L3MBTL3: variants seen among roughly 807,000 people sequenced by gnomAD.
L3MBTL3 encodes lethal(3)malignant brain tumor-like protein 3.
Under a neutral mutation model 102.3 loss-of-function variants are expected in L3MBTL3, and 27 were observed. The observed-to-expected ratio is 0.26, with a 90% CI of 0.19 to 0.36. The LOEUF is 0.36. Ranked by LOEUF, L3MBTL3 falls within the 10% of genes least tolerant of loss-of-function variation. The probability of loss-of-function intolerance (pLI) is 1.00; values close to 1 mark genes in which losing one functional copy is unlikely to be tolerated. For missense variants in L3MBTL3, 798 were observed against 955.3 expected (o/e 0.84, Z 2.17); for synonymous variants, 340 against 320.9 (o/e 1.06, Z -0.64).
chr6:130,031,345 T>C (rs1779711265), intron 2 of L3MBTL3, among the ~76,000 whole-genome samples: 1 of 152,222 alleles, frequency 6.6e-6, no homozygotes. Flanking sequence ...TGTTATTTTC[T>C]GAATTTATTT....
chr6:130,084,144 A>G (rs112728083), intron 15 of L3MBTL3, among the ~76,000 whole-genome samples: 6,620 of 152,206 alleles, frequency 0.043, 442 homozygotes, highest in African/African-American at 0.15. Context: ...AGCATGTTTA[A>G]TTACCAAAAT....
chr6:130,055,221 G>A lies in L3MBTL3; in HGVS notation c.633G>A (p.Arg211=), dbSNP rs1377531629. Residue 211 remains arginine (R), a synonymous_variant, in exon 8 of 23, where the codon AGG becomes AGA. Transcript: ENST00000361794. ...RILRGSQRAR[R]KRRGDSAVLK... ...TGAGGGGTTCGCAGAGAGCACGGAG[G>A]AAAAGACGAGGGGATTCGGCTGTAC... is the stretch of plus-strand genomic sequence containing the variant. 6.2e-7 allele frequency: 1 copy of A among 1,613,676 alleles called. No homozygotes were observed. Among genetic ancestry groups the A allele is most frequent in the African/African-American group, 1.3e-5 (1 of 74,906 alleles).
chr6:130,084,178 A>C (rs17058340), intron 15 of L3MBTL3, among the ~76,000 whole-genome samples: 9,578 of 152,180 alleles, frequency 0.063, 979 homozygotes, highest in African/African-American at 0.22. Context: ...CTTTTATTAC[A>C]GTATCTTTCT....
At chr6:130,094,409 C>G in intron 18 of L3MBTL3, 42 bp downstream of exon 18, 1 of 1,301,606 alleles carries the variant, frequency 7.7e-7, no homozygotes, top group Non-Finnish European at 1.1e-6. Flanking sequence ...TATAGGTGTT[C>G]CATATACATG....
intron 2 of L3MBTL3, among the ~76,000 whole-genome samples, chr6:130,030,768 C>T (rs1394058315): frequency 6.9e-6 from 1 of 144,326 alleles, no homozygotes; most frequent in Non-Finnish European, 1.5e-5. Flanking sequence ...GACTAAAATA[C>T]AATGTGTTGG....
intron 1 of L3MBTL3, among the ~76,000 whole-genome samples, chr6:130,019,634 C>T (rs1333040066): frequency 1.3e-5 from 2 of 150,454 alleles, no homozygotes; most frequent in African/African-American, 4.9e-5. Flanking sequence ...CTCACACGCA[C>T]GCACACACAC....
At chr6:130,036,234 AAAT>A (rs1780054539) in intron 2 of L3MBTL3, among the ~76,000 whole-genome samples, 1 of 152,186 alleles carries the variant, frequency 6.6e-6, no homozygotes, top group Non-Finnish European at 1.5e-5. Flanking sequence ...GCTTTTCTTA[AAAT>A]AATATTGGTT....
At chr6:130,048,423 C>G (rs890445981) in intron 3 of L3MBTL3, among the ~76,000 whole-genome samples, 4 of 152,174 alleles carry the variant, frequency 2.6e-5, no homozygotes, top group Admixed American at 6.5e-5. Context: ...CTCACTGTTT[C>G]AGAGAGAACA....
At chr6:130,098,606 C>G (rs1048847156) in intron 18 of L3MBTL3, among the ~76,000 whole-genome samples, 2 of 152,136 alleles carry the variant, frequency 1.3e-5, no homozygotes, top group Non-Finnish European at 1.5e-5. Flanking sequence ...TTCCTATGTT[C>G]CAGGCACTGC....
intron 2 of L3MBTL3, among the ~76,000 whole-genome samples, chr6:130,025,113 G>A (rs1201804572): frequency 8.9e-6 from 1 of 112,558 alleles, no homozygotes; most frequent in Non-Finnish European, 2.0e-5. Context: ...TAACTTTCTG[G>A]TGAAGATCTA....
At chr6:130,080,028 G>A (rs919396705) in intron 14 of L3MBTL3, among the ~76,000 whole-genome samples, 6 of 152,182 alleles carry the variant, frequency 3.9e-5, no homozygotes, top group Non-Finnish European at 7.3e-5. Flanking sequence ...GCTGAGGCGG[G>A]AGGATCACTT....
chr6:130,028,469 A>G (rs1779498845), intron 2 of L3MBTL3, among the ~76,000 whole-genome samples: 1 of 152,216 alleles, frequency 6.6e-6, no homozygotes, highest in Non-Finnish European at 1.5e-5. Flanking sequence ...CAGAAGACCC[A>G]ACTTCTCAAG....
At chr6:130,117,745 G>A (rs1785813962) in intron 19 of L3MBTL3, among the ~76,000 whole-genome samples, 1 of 152,034 alleles carries the variant, frequency 6.6e-6, no homozygotes, top group Admixed American at 6.6e-5. Context: ...TGTCACCGAG[G>A]CTGAAGTGCA....
chr6:130,083,310 G>C (rs1409728648), intron 14 of L3MBTL3, among the ~76,000 whole-genome samples: 3 of 151,932 alleles, frequency 2.0e-5, no homozygotes, highest in Non-Finnish European at 4.4e-5. Context: ...GCATATGTCA[G>C]ATTTTTCTAG....
intron 19 of L3MBTL3, among the ~76,000 whole-genome samples, chr6:130,104,801 A>T (rs1203520215): frequency 2.8e-5 from 4 of 145,224 alleles, no homozygotes; most frequent in African/African-American, 7.5e-5. Flanking sequence ...TCTCTGACTC[A>T]TTTTTTTTTT....
rs759228375 is a variant in L3MBTL3 at position 130,094,370 on chromosome 6, ATGTGGTAGC to A, written c.1736+7_1736+15del. On this transcript the variant is annotated splice_donor_5th_base_variant and intron_variant, in intron 18 of 22. Transcript: ENST00000361794. ...GCGAGACATCTGGGCCCTCACAGGTATGTGGTAGCTGTCACTCACTTGGTCAGATATAGG... is the reference window on the plus strand; with the variant it reads ...GCGAGACATCTGGGCCCTCACAGGTATGTCACTCACTTGGTCAGATATAGG... The A allele has an allele frequency of 1.2e-4, 195 of 1,609,018 alleles. No individual in the cohort carries two copies. The highest frequency in any genetic ancestry group is 1.6e-4 in the Non-Finnish European group (190 of 1,175,894).
At chr6:130,048,010 CCA>C (rs889759206) in intron 3 of L3MBTL3, among the ~76,000 whole-genome samples, 1 of 152,154 alleles carries the variant, frequency 6.6e-6, no homozygotes, top group Non-Finnish European at 1.5e-5. Flanking sequence ...TTAACCATTT[CCA>C]CACGTTTAGT....
intron 19 of L3MBTL3, among the ~76,000 whole-genome samples, chr6:130,117,693 CAATT>C (rs2115465723): frequency 6.6e-6 from 1 of 151,920 alleles, no homozygotes; most frequent in East Asian, 1.9e-4. Flanking sequence ...ATTGAATAAA[CAATT>C]TTTCTTGTTT....
In L3MBTL3 at chr6:130,042,807, C is replaced by A. The variant is rs200121792; in HGVS notation, c.102+6C>A. 7.0e-6 allele frequency: 11 copies of A among 1,571,464 alleles called. No individual in the cohort carries two copies. Among genetic ancestry groups the A allele is most frequent in the Middle Eastern group, 1.7e-4 (1 of 5,978 alleles). On this transcript the variant is annotated splice_donor_region_variant and intron_variant, in intron 3 of 22. Coordinates refer to ENST00000361794, the MANE Select transcript of L3MBTL3 (RefSeq NM_032438.4). ...TACCAGGAAGTGACTTAAAGGTAAA[C>A]CCTCTTTATTACATACAATTATGTG...
Sources: gnomAD v4.1 joint callset for allele counts (sites outside exome capture counted in the v4.1 genomes callset) on GRCh38, gnomAD v4.1.1 for gene constraint, MANE v1.5 for transcripts, NCBI Gene and HGNC (gene_info 2026-07-23, HGNC 2026-07-21) for gene names.